Variants in ALMS1 observed in about 807,000 individuals in gnomAD.
The protein encoded by ALMS1 is centrosome-associated protein ALMS1.
Under a neutral mutation model 352.2 loss-of-function variants are expected in ALMS1, and 271 were observed. The observed-to-expected ratio is 0.77, with a 90% CI of 0.70 to 0.85. The LOEUF is 0.85. Among genes scored for constraint, ALMS1 ranks in the 40% least tolerant of loss-of-function variants. The pLI is 0.00. For missense variants in ALMS1, 5,445 were observed against 4,870.7 expected (o/e 1.12, Z -3.51); for synonymous variants, 1,865 against 1,761.2 (o/e 1.06, Z -1.48).
intron 15 of ALMS1, among the ~76,000 whole-genome samples, chr2:73,564,331 C>T (rs185124287): frequency 2.6e-5 from 4 of 151,536 alleles, no homozygotes; most frequent in Middle Eastern, 3.2e-3. Flanking sequence ...CCGGGCATGG[C>T]GGTGCATGCC....
chr2:73,395,048 A>ATGTG (rs1171228846), intron 1 of ALMS1, among the ~76,000 whole-genome samples: 2 of 118,118 alleles, frequency 1.7e-5, no homozygotes, highest in Admixed American at 9.1e-5. Flanking sequence ...GTGTGTGTAT[A>ATGTG]TATATATATG....
At chr2:73,470,560 A>C (rs2103840577) in intron 9 of ALMS1, 1 of 151,876 alleles carries the variant, frequency 6.6e-6, no homozygotes, top group African/African-American at 2.4e-5. Flanking sequence ...AGTCTTCTTA[A>C]ATTTGTTCAG....
At chr2:73,554,663 A>G (rs1051075576) in intron 13 of ALMS1, among the ~76,000 whole-genome samples, 41 of 152,292 alleles carry the variant, frequency 2.7e-4, no homozygotes, top group African/African-American at 9.9e-4. Flanking sequence ...CAGTGAGCCA[A>G]GATCACGCCA....
chr2:73,473,157 C>T (rs1385178105), intron 9 of ALMS1, among the ~76,000 whole-genome samples: 1 of 152,020 alleles, frequency 6.6e-6, no homozygotes. Context: ...CAGGCTCTGC[C>T]TAACTAAGTA....
chr2:73,446,170 T>C (rs1469682326), intron 7 of ALMS1, among the ~76,000 whole-genome samples: 3 of 152,158 alleles, frequency 2.0e-5, no homozygotes, highest in Non-Finnish European at 2.9e-5. Context: ...TACTAATCTT[T>C]TCCTTTACCC....
intron 12 of ALMS1, among the ~76,000 whole-genome samples, chr2:73,547,696 T>C (rs1384751247): frequency 6.6e-6 from 1 of 152,222 alleles, no homozygotes; most frequent in Non-Finnish European, 1.5e-5. Flanking sequence ...ATTCTAGTAC[T>C]ACTGCAATTA....
chr2:73,581,853 T>A (rs899781021), intron 16 of ALMS1, among the ~76,000 whole-genome samples: 2 of 152,072 alleles, frequency 1.3e-5, no homozygotes, highest in African/African-American at 4.8e-5. Context: ...CAAGCGATTC[T>A]TCTGCCTCAG....
At position 73,455,210 on chromosome 2, in the gene ALMS1, C is replaced by T. The variant is rs1572939837; in HGVS notation, c.7589C>T (p.Ser2530Leu). ...GCACATGATTGTGGATACTCCATTT[C>T]AGAATTAAATGAAGATGACAGGAGG... ...NLAHDCGYSISELNEDDRRKV... is the reference protein window; with the variant it reads ...NLAHDCGYSILELNEDDRRKV... Residue 2530 changes from serine (S) to leucine (L), a missense_variant, in exon 9 of 23, where the codon TCA (serine) becomes TTA (leucine). Coordinates refer to ENST00000613296, the MANE Select transcript of ALMS1 (RefSeq NM_001378454.1). 2 of 1,613,238 alleles carry T rather than the reference C, an allele frequency of 1.2e-6. No individual in the cohort carries two copies. The highest frequency in any genetic ancestry group is 1.7e-6 in the Non-Finnish European group (2 of 1,179,610).
intron 9 of ALMS1, chr2:73,469,919 A>G (rs963652823): frequency 1.3e-5 from 2 of 151,930 alleles, no homozygotes; most frequent in African/African-American, 4.8e-5. Context: ...CAAGCTATCA[A>G]GTAATGGATA....
chr2:73,441,442 AG>A (rs1290730036), intron 7 of ALMS1, among the ~76,000 whole-genome samples: 1 of 152,054 alleles, frequency 6.6e-6, no homozygotes, highest in Non-Finnish European at 1.5e-5. Flanking sequence ...CTGGCACTAC[AG>A]TTCTGGTGGT....
chr2:73,496,518 A>G (rs895774171), intron 10 of ALMS1, among the ~76,000 whole-genome samples: 4 of 152,114 alleles, frequency 2.6e-5, no homozygotes, highest in African/African-American at 9.7e-5. Context: ...CTAGTTTGGG[A>G]CCATTAAAAT....
intron 1 of ALMS1, among the ~76,000 whole-genome samples, chr2:73,394,539 G>A (rs536740055): frequency 5.3e-5 from 8 of 152,026 alleles, no homozygotes; most frequent in Non-Finnish European, 1.2e-4. Context: ...TAGTGGAGAC[G>A]GGGTTTCACC....
chr2:73,536,154 A>G (rs1013779861), intron 12 of ALMS1, among the ~76,000 whole-genome samples: 1 of 152,188 alleles, frequency 6.6e-6, no homozygotes, highest in Non-Finnish European at 1.5e-5. Flanking sequence ...CCAGAAAGAA[A>G]ACAAGCTCAC....
chr2:73,543,100 A>G (rs1344735895), intron 12 of ALMS1, among the ~76,000 whole-genome samples: 2 of 152,220 alleles, frequency 1.3e-5, no homozygotes, highest in African/African-American at 4.8e-5. Context: ...GCATGACGCT[A>G]CCTGACTTCA....
At position 73,519,909 on chromosome 2, in the gene ALMS1, G is replaced by T. The variant is rs765685958; in HGVS notation, c.9674G>T (p.Arg3225Leu). ...GAGATTTTTATTAATGCTGAAGATC[G>T]TGGACATGAAATTATAGAGCCTGGT... is the stretch of plus-strand genomic sequence containing the variant. ...SSEIFINAEDRGHEIIEPGNQ... is the reference protein window; with the variant it reads ...SSEIFINAEDLGHEIIEPGNQ... Residue 3225 changes from arginine (R) to leucine (L), a missense_variant, in exon 11 of 23, where the codon CGT (arginine) becomes CTT (leucine). Arg to Leu is a moderately radical substitution (Grantham distance 102, BLOSUM62 -2). Transcript: ENST00000613296. The T allele has an allele frequency of 6.2e-7, 1 of 1,614,090 alleles. No individual in the cohort carries two copies. The highest frequency in any genetic ancestry group is 8.5e-7 in the Non-Finnish European group (1 of 1,179,974).
chr2:73,395,848 A>G (rs1670749056), intron 1 of ALMS1, among the ~76,000 whole-genome samples: 1 of 152,098 alleles, frequency 6.6e-6, no homozygotes, highest in Non-Finnish European at 1.5e-5. Context: ...AAGAGTGTAT[A>G]TGCTTTTTTA....
At position 73,608,461 on chromosome 2, in the gene ALMS1, G is replaced by A. The variant is rs377374398; in HGVS notation, c.12363-14G>A. 2 of 1,607,182 alleles carry A rather than the reference G, an allele frequency of 1.2e-6. No individual in the cohort carries two copies. The highest frequency in any genetic ancestry group is 1.3e-5 in the African/African-American group (1 of 74,724). On this transcript the variant is annotated splice_polypyrimidine_tract_variant and intron_variant, in intron 21 of 22. Coordinates refer to ENST00000613296, the MANE Select transcript of ALMS1 (RefSeq NM_001378454.1). ...CTCCCCGATTTCTGTCCTTTCACTG[G>A]TGCCATTTCTAAGGATTTATGAGCA...
At chr2:73,396,502 C>T (rs1386441925) in intron 1 of ALMS1, among the ~76,000 whole-genome samples, 2 of 143,694 alleles carry the variant, frequency 1.4e-5, no homozygotes, top group African/African-American at 5.2e-5. Flanking sequence ...GAAGGACTGG[C>T]ATTAATTCTT....
chr2:73,512,204 C>T (rs1364974835), intron 10 of ALMS1, among the ~76,000 whole-genome samples: 1 of 152,140 alleles, frequency 6.6e-6, no homozygotes, highest in East Asian at 1.9e-4. Context: ...CCTGCCTCAG[C>T]CTCCCGAGTA....
Sources: gnomAD v4.1 joint callset for allele counts (sites outside exome capture counted in the v4.1 genomes callset) on GRCh38, gnomAD v4.1.1 for gene constraint, MANE v1.5 for transcripts, NCBI Gene and HGNC (gene_info 2026-07-23, HGNC 2026-07-21) for gene names.